RIC8A: variants seen among roughly 807,000 people sequenced by gnomAD.
RIC8A encodes RIC8 guanine nucleotide exchange factor A.
A neutral mutation model predicts 48.4 loss-of-function variants in RIC8A; 37 were observed. That is an observed-to-expected ratio of 0.77 (90% confidence interval 0.59 to 1.01). The LOEUF is 1.01. RIC8A is among the 50% of genes least tolerant of loss of function. RIC8A has a pLI of 0.00. For missense variants in RIC8A, 681 were observed against 696.8 expected, an observed-to-expected ratio of 0.98 and a Z score of 0.25; for synonymous variants, 288 against 283.4, an observed-to-expected ratio of 1.02 and a Z score of -0.16.
chr11:209,295 G>T lies in RIC8A; in HGVS notation c.109G>T (p.Asp37Tyr), dbSNP rs1044009314. The change falls in exon 2 of 10, where the codon GAT becomes TAT. Residue 37 changes from aspartate (D) to tyrosine (Y), a missense_variant. Coordinates refer to ENST00000526104, the MANE Select transcript of RIC8A (RefSeq NM_001286134.2). ...GCACTCCCAGAGCTTCACGTTTGAT[G>T]ATGCCCAACAGGAGGACCGGAAGGT... The part of the protein sequence containing the change: ...QEHSQSFTFD[D>Y]AQQEDRKRLA... 1.7e-5 allele frequency: 27 copies of T among 1,613,928 alleles called. No homozygotes were observed. The highest frequency in any genetic ancestry group is 2.3e-5 in the Non-Finnish European group (27 of 1,179,840).
intron 9 of RIC8A, 144 bp downstream of exon 9, chr11:213,562 G>T: frequency 1.7e-6 from 2 of 1,151,014 alleles, no homozygotes; most frequent in Non-Finnish European, 1.2e-6. Context: ...GAAATCACTT[G>T]CCCTGGAGGA....
At chr11:210,924 C>T in intron 4 of RIC8A, 2 of 603,848 alleles carry the variant, frequency 3.3e-6, no homozygotes, top group South Asian at 2.0e-5. Context: ...TGCCCCTAGG[C>T]TGGTCTGGGT....
In RIC8A at chr11:209,542, C is replaced by T. The variant is rs1426251865; in HGVS notation, c.268C>T (p.Gln90Ter). Residue 90 changes from glutamine (Q) to a stop codon, truncating the protein, a stop_gained, in exon 3 of 10, where the codon CAG becomes TAG. Coordinates refer to ENST00000526104, the MANE Select transcript of RIC8A (RefSeq NM_001286134.2). LOFTEE classifies it high-confidence loss of function. Reference protein sequence around the residue: ...LDPFTSRQSLQALACYADISV... With the variant: ...LDPFTSRQSL ...CCCGTTCACCAGCCGCCAGAGCCTG[C>T]AGGCACTAGCCTGCTATGCTGACAT... The T allele has an allele frequency of 6.2e-7, 1 of 1,614,084 alleles. No homozygotes were observed. Among genetic ancestry groups the T allele is most frequent in the East Asian group, 2.2e-5 (1 of 44,888 alleles).
chr11:213,556 T>A, intron 9 of RIC8A, 138 bp downstream of exon 9: 1 of 1,214,580 alleles, frequency 8.2e-7, no homozygotes, highest in Non-Finnish European at 1.1e-6. Flanking sequence ...ACGTTTGAAA[T>A]CACTTGCCCT....
chr11:209,352 A>C (rs1468731342), intron 2 of RIC8A, 34 bp downstream of exon 2: 4 of 1,604,406 alleles, frequency 2.5e-6, no homozygotes, highest in Non-Finnish European at 3.4e-6. Context: ...AGGGGCAGGG[A>C]CGGGTGGCCC....
chr11:208,665 A>G lies in RIC8A; in HGVS notation c.-190A>G, dbSNP rs1487472991. The G allele has an allele frequency of 4.1e-6, 2 of 491,938 alleles. No individual in the cohort carries two copies. Among genetic ancestry groups the G allele is most frequent in the Non-Finnish European group, 7.1e-6 (2 of 282,390 alleles). The allele number at this position is 491,938 out of a possible 1,614,324, so 30.5% of individuals were successfully genotyped here. ...CGGGTCTTAAAACCTCCGAGCCGCC[A>G]GTTCTGCCTCAGGCCGCGCCCCCTT... On this transcript the variant is annotated 5_prime_UTR_variant, in exon 1 of 10. Coordinates refer to ENST00000526104, the MANE Select transcript of RIC8A (RefSeq NM_001286134.2). This position sits in a 1 kb window ranked among gnomAD's most constrained non-coding sequence, Gnocchi z 4.8.
At position 211,247 on chromosome 11, in the gene RIC8A, TCTC is replaced by T; in HGVS notation, c.871_873del (p.Leu291del). On this transcript the variant is annotated inframe_deletion, in exon 5 of 10. Coordinates refer to ENST00000526104, the MANE Select transcript of RIC8A (RefSeq NM_001286134.2). The surrounding 1 kb of genome is among the most constrained non-coding windows in gnomAD (Gnocchi z 4.0). ...ACTTGCCCCTCAAGTGTCTGGATGTTCTCCTCACCCTGGAGCCACATGGAGACT... is the reference window on the plus strand; with the variant it reads ...ACTTGCCCCTCAAGTGTCTGGATGTTCTCACCCTGGAGCCACATGGAGACT... The T allele has an allele frequency of 6.2e-7, 1 of 1,614,040 alleles. No homozygotes were observed. The highest frequency in any genetic ancestry group is 1.3e-5 in the African/African-American group (1 of 75,006).
At position 208,833 on chromosome 11, in the gene RIC8A, G is replaced by A. The variant is rs1186880569; in HGVS notation, c.-22G>A. On this transcript the variant is annotated 5_prime_UTR_variant, in exon 1 of 10. Coordinates refer to ENST00000526104, the MANE Select transcript of RIC8A (RefSeq NM_001286134.2). The surrounding 1 kb of genome is among the most constrained non-coding windows in gnomAD (Gnocchi z 4.8). ...GCCCGGAACGGCTGAGGAAGGGCCC[G>A]TCCCGCCTTCCCCGGCGCGCCATGG... is the stretch of plus-strand genomic sequence containing the variant. The A allele has an allele frequency of 2.0e-5, 32 of 1,598,690 alleles. No individual in the cohort carries two copies. The highest frequency in any genetic ancestry group is 2.6e-5 in the Non-Finnish European group (31 of 1,172,556).
intron 6 of RIC8A, 21 bp from the exon 7 acceptor site, chr11:212,594 T>A (rs778162350): frequency 6.2e-7 from 1 of 1,613,702 alleles, no homozygotes; most frequent in Non-Finnish European, 8.5e-7. Flanking sequence ...AGCCCAAGCT[T>A]AGGGATGGCC....
Position 214,298 on chromosome 11 carries a change from G to A in RIC8A, c.1544G>A (p.Cys515Tyr), listed in dbSNP as rs762050099. 7 of 1,613,168 alleles carry A rather than the reference G, an allele frequency of 4.3e-6. No homozygotes were observed. In the Admixed American group the frequency reaches 5.0e-5, roughly 12 times the overall value. Residue 515 changes from cysteine (C) to tyrosine (Y), a missense_variant, in exon 10 of 10, where the codon TGC (cysteine) becomes TAC (tyrosine). Transcript: ENST00000526104. ...GHLTSLQDAM[C>Y]ETMEQQLSSD... ...CTTACGTCCCTGCAGGATGCCATGT[G>A]CGAGACTATGGAGCAGCAGCTCTCC...
chr11:213,188 C>T, intron 8 of RIC8A, 111 bp from the exon 9 acceptor site: 2 of 1,502,978 alleles, frequency 1.3e-6, no homozygotes, highest in East Asian at 4.7e-5. Context: ...GGAGGGAGGC[C>T]TCTTCCTGCA....
intron 3 of RIC8A, 149 bp from the exon 4 acceptor site, chr11:210,422 C>T (rs775839187): frequency 2.5e-6 from 2 of 810,468 alleles, no homozygotes; most frequent in Non-Finnish European, 4.4e-6. Flanking sequence ...CCCAGAGTCA[C>T]CTAGGAAGAC....
Position 209,989 on chromosome 11 carries a change from G to T in RIC8A, c.715G>T (p.Glu239Ter). Residue 239 changes from glutamate to a stop codon, truncating the protein, a stop_gained, in exon 3 of 10, where the codon GAG becomes TAG. Transcript: ENST00000526104. LOFTEE classifies it high-confidence loss of function. The stretch of plus-strand genomic sequence containing the variant: ...CATCACCCTGGACTCCATCAAGGGG[G>T]AGGTGGACGAGGTGAGCACTGACCT... ...FNITLDSIKG[E>*]VDEEDAALYR... 3.2e-6 allele frequency: 5 copies of T among 1,585,044 alleles called. No individual in the cohort carries two copies. The highest frequency in any genetic ancestry group is 4.3e-6 in the Non-Finnish European group (5 of 1,169,920).
rs558315556 is a variant in RIC8A, at chr11:214,295, T to C, written c.1541T>C (p.Met514Thr). The stretch of plus-strand genomic sequence containing the variant: ...CATCTTACGTCCCTGCAGGATGCCA[T>C]GTGCGAGACTATGGAGCAGCAGCTC... ...RGHLTSLQDA[M>T]CETMEQQLSS... The change falls in exon 10 of 10, where the codon ATG becomes ACG. Residue 514 changes from methionine to threonine, a missense_variant. Met to Thr is a moderately conservative substitution (Grantham distance 81). Coordinates refer to ENST00000526104, the MANE Select transcript of RIC8A (RefSeq NM_001286134.2). 6.8e-6 allele frequency: 11 copies of C among 1,613,442 alleles called. No homozygotes were observed. The highest frequency in any genetic ancestry group is 2.7e-5 in the African/African-American group (2 of 75,040).
rs1218199192 is a variant in RIC8A at position 208,975 on chromosome 11, G to A, written c.84+37G>A. ...CCTGAGGCCGGGGGGCGGGCACGGAGGGGGTGGGGCAGGGTCGTGCGCGGG... is the reference window on the plus strand; with the variant it reads ...CCTGAGGCCGGGGGGCGGGCACGGAAGGGGTGGGGCAGGGTCGTGCGCGGG... On this transcript the variant is annotated intron_variant, in intron 1 of 9. Coordinates refer to ENST00000526104, the MANE Select transcript of RIC8A (RefSeq NM_001286134.2). The surrounding 1 kb of genome is among the most constrained non-coding windows in gnomAD (Gnocchi z 4.8). 6 of 1,489,544 alleles carry A rather than the reference G, an allele frequency of 4.0e-6. No individual in the cohort carries two copies. The highest frequency in any genetic ancestry group is 5.5e-6 in the Non-Finnish European group (6 of 1,086,682). The allele number at this position is 1,489,544 out of a possible 1,614,324, so 92.3% of individuals were successfully genotyped here.
rs1564797472 is a variant in RIC8A, at chr11:208,055, A to C, written c.-800A>C. 6.6e-6 allele frequency: 1 copy of C among 152,328 alleles called. No individual in the cohort carries two copies. The highest frequency in any genetic ancestry group is 1.5e-5 in the Non-Finnish European group (1 of 68,042). 9.4% of individuals were successfully genotyped at this position (152,328 alleles called of 1,614,324 possible). The stretch of plus-strand genomic sequence containing the variant: ...GAGTGGATCGCGCTTCCTGTGCGTC[A>C]CTGAATCCTCATGACGGCCACTGAA... On this transcript the variant is annotated 5_prime_UTR_variant, in exon 1 of 10. Coordinates refer to ENST00000526104, the MANE Select transcript of RIC8A (RefSeq NM_001286134.2). The surrounding 1 kb of genome is among the most constrained non-coding windows in gnomAD (Gnocchi z 4.8).
At position 213,434 on chromosome 11, in the gene RIC8A, A is replaced by T; in HGVS notation, c.1475+16A>T. On this transcript the variant is annotated intron_variant, in intron 9 of 9. Coordinates refer to ENST00000526104, the MANE Select transcript of RIC8A (RefSeq NM_001286134.2). ...AGCTCTCCAGGTGTGTGGCATGAGG[A>T]GGAGGGGCCTGCAGCTGGGAGAAGG... is the stretch of plus-strand genomic sequence containing the variant. 6.4e-7 allele frequency: 1 copy of T among 1,568,026 alleles called. No individual in the cohort carries two copies. The highest frequency in any genetic ancestry group is 2.4e-5 in the East Asian group (1 of 42,202).
rs1407867192 is a variant in RIC8A at position 214,505 on chromosome 11, G to C, written c.*155G>C. ...TTCTCTTGACTCCCGTTCTGTTCATGATTTGCCTCTGGTCCAGTTTCTCAT... is the reference window on the plus strand; with the variant it reads ...TTCTCTTGACTCCCGTTCTGTTCATCATTTGCCTCTGGTCCAGTTTCTCAT... On this transcript the variant is annotated 3_prime_UTR_variant, in exon 10 of 10. Transcript: ENST00000526104. 8 of 925,264 alleles carry C rather than the reference G, an allele frequency of 8.6e-6. No homozygotes were observed. Among genetic ancestry groups the C allele is most frequent in the Non-Finnish European group, 1.4e-5 (8 of 589,670 alleles). 57.3% of individuals were successfully genotyped at this position (925,264 alleles called of 1,614,324 possible). A position where few individuals can be genotyped will look rare whatever the true frequency, so the allele number is the denominator to read the frequency against.
chr11:211,451 A>C lies in RIC8A; in HGVS notation c.969+102A>C, dbSNP rs531128622. 12 of 1,285,374 alleles carry C rather than the reference A, an allele frequency of 9.3e-6. No homozygotes were observed. Among genetic ancestry groups the C allele is most frequent in the Non-Finnish European group, 1.2e-5 (11 of 946,998 alleles). 79.6% of individuals were successfully genotyped at this position (1,285,374 alleles called of 1,614,324 possible). ...CCACACTGTCCACACTGGTACGTGG[A>C]GATTGTCTTGGTGGTGTGATATGGG... On this transcript the variant is annotated intron_variant, in intron 5 of 9. Coordinates refer to ENST00000526104, the MANE Select transcript of RIC8A (RefSeq NM_001286134.2). This position sits in a 1 kb window ranked among gnomAD's most constrained non-coding sequence, Gnocchi z 4.0.
Sources: gnomAD v4.1 joint callset for allele counts on GRCh38, gnomAD v4.1.1 for gene constraint, Gnocchi (gnomAD v3.1) non-coding constraint, MANE v1.5 for transcripts, NCBI Gene and HGNC (gene_info 2026-07-23, HGNC 2026-07-21) for gene names.